SAMD5: variants seen among roughly 807,000 people sequenced by gnomAD.
SAMD5 encodes the protein sterile alpha motif domain containing 5.
A neutral mutation model predicts 11.3 loss-of-function variants in SAMD5; 13 were observed. The observed-to-expected ratio is 1.15, with a 90% CI of 0.75 to 1.83. SAMD5 has a LOEUF of 1.83. SAMD5 is among the 40% of genes most tolerant of loss of function. The pLI, the probability that SAMD5 is intolerant of heterozygous loss-of-function variation, is 0.00. For synonymous variants in SAMD5, 129 were observed against 111.3 expected (o/e 1.16, Z -1.00); for missense variants, 255 against 239.1 (o/e 1.07, Z -0.44).
chr6:147,727,735 C>T (rs956363216), intron 1 of SAMD5, among the ~76,000 whole-genome samples: 1 of 151,928 alleles, frequency 6.6e-6, no homozygotes, highest in Non-Finnish European at 1.5e-5. Flanking sequence ...CAACAATTAT[C>T]CTCTGTTGGT....
chr6:147,528,126 C>G (rs1788373182), intron 1 of SAMD5, among the ~76,000 whole-genome samples: 1 of 152,154 alleles, frequency 6.6e-6, no homozygotes, highest in African/African-American at 2.4e-5. Flanking sequence ...ACCTCCAACA[C>G]TGGGGATTAC....
In SAMD5 at chr6:147,566,927, G is replaced by A. The variant is rs1789051131; in HGVS notation, c.*2471G>A. ...GTAATTTTTTCAGCGTTTTTCCTCT[G>A]TATCTAAACACCAATAATATACTTA... On this transcript the variant is annotated 3_prime_UTR_variant, in exon 2 of 2. Transcript: ENST00000367474. The A allele has an allele frequency of 1.1e-6, 1 of 893,608 alleles. No individual in the cohort carries two copies. Among genetic ancestry groups the A allele is most frequent in the Non-Finnish European group, 1.3e-6 (1 of 746,748 alleles). 55.4% of individuals were successfully genotyped at this position (893,608 alleles called of 1,614,324 possible). A position where few individuals can be genotyped will look rare whatever the true frequency, so the allele number is the denominator to read the frequency against.
At chr6:147,844,859 G>A in the SAMD5 span, among the ~76,000 whole-genome samples, 2 of 152,118 alleles carry the variant, frequency 1.3e-5, no homozygotes, top group Non-Finnish European at 2.9e-5. Flanking sequence ...CAGGGGTGAT[G>A]GGGAAAGGGA....
At chr6:147,663,897 A>C (rs759017626) in intron 1 of SAMD5, among the ~76,000 whole-genome samples, 43 of 150,106 alleles carry the variant, frequency 2.9e-4, no homozygotes, top group Non-Finnish European at 5.8e-4. Context: ...AATTTTTTAC[A>C]TGTAAATTTT....
chr6:147,899,096 G>A, the SAMD5 span, among the ~76,000 whole-genome samples: 1 of 149,918 alleles, frequency 6.7e-6, no homozygotes, highest in African/African-American at 2.5e-5. Flanking sequence ...GCGTGAATCT[G>A]GGAGGTGGTG....
chr6:147,665,465 A>G (rs145421084), intron 1 of SAMD5, among the ~76,000 whole-genome samples: 18 of 152,364 alleles, frequency 1.2e-4, no homozygotes, highest in African/African-American at 3.8e-4. Context: ...CAGAAGAGAA[A>G]AAGAACTGTG....
At chr6:147,674,225 A>G (rs1361838562) in intron 1 of SAMD5, among the ~76,000 whole-genome samples, 2 of 152,168 alleles carry the variant, frequency 1.3e-5, no homozygotes, top group Non-Finnish European at 2.9e-5. Flanking sequence ...CAAGACAATC[A>G]AAGCTTCTCC....
intron 1 of SAMD5, among the ~76,000 whole-genome samples, chr6:147,639,492 G>A (rs1415540954): frequency 5.3e-5 from 8 of 152,154 alleles, no homozygotes; most frequent in Non-Finnish European, 1.2e-4. Context: ...GCAGCTCTGG[G>A]GTCCCCGAGG....
chr6:147,511,661 T>C (rs974030289), intron 1 of SAMD5, among the ~76,000 whole-genome samples: 2 of 151,984 alleles, frequency 1.3e-5, no homozygotes, highest in Non-Finnish European at 2.9e-5. Flanking sequence ...ACAAACTTTA[T>C]TGTAACACAC....
At chr6:147,539,045 G>T (rs868231684) in intron 1 of SAMD5, among the ~76,000 whole-genome samples, 1 of 152,086 alleles carries the variant, frequency 6.6e-6, no homozygotes, top group African/African-American at 2.4e-5. Flanking sequence ...CTTAAGGGTG[G>T]AGCGCTTGGA....
the SAMD5 span, among the ~76,000 whole-genome samples, chr6:147,777,225 A>G: frequency 6.6e-6 from 1 of 151,998 alleles, no homozygotes; most frequent in South Asian, 2.1e-4. Flanking sequence ...AACTCGCATC[A>G]TGCCCCAATA....
the SAMD5 span, among the ~76,000 whole-genome samples, chr6:147,783,406 C>T: frequency 5.9e-5 from 8 of 134,456 alleles, no homozygotes; most frequent in Non-Finnish European, 1.3e-4. Flanking sequence ...GGGGTCGGGG[C>T]GGGGGGACAT....
chr6:147,692,124 T>A (rs929041065), intron 1 of SAMD5, among the ~76,000 whole-genome samples: 4 of 152,166 alleles, frequency 2.6e-5, no homozygotes, highest in African/African-American at 9.7e-5. Flanking sequence ...CTAGTGTAGA[T>A]GTTTAAAAAG....
At chr6:147,514,628 G>A (rs948175790) in intron 1 of SAMD5, among the ~76,000 whole-genome samples, 1 of 152,042 alleles carries the variant, frequency 6.6e-6, no homozygotes, top group Non-Finnish European at 1.5e-5. Flanking sequence ...GTATGGGGCT[G>A]TAAATATATT....
chr6:147,945,194 T>C, the SAMD5 span, among the ~76,000 whole-genome samples: 1 of 152,128 alleles, frequency 6.6e-6, no homozygotes, highest in Admixed American at 6.5e-5. Flanking sequence ...TATTTCATCC[T>C]CGTGATCCCT....
chr6:147,690,395 C>T (rs1791083246), intron 1 of SAMD5, among the ~76,000 whole-genome samples: 1 of 152,144 alleles, frequency 6.6e-6, no homozygotes, highest in Admixed American at 6.5e-5. Flanking sequence ...AGTGGTGGCT[C>T]ATGCCCATAA....
intron 1 of SAMD5, among the ~76,000 whole-genome samples, chr6:147,680,149 A>C (rs1176238317): frequency 6.7e-6 from 1 of 149,126 alleles, no homozygotes; most frequent in Admixed American, 6.6e-5. Flanking sequence ...AGAATTAATG[A>C]CAATGATGAG....
At position 147,567,736 on chromosome 6, in the gene SAMD5, G is replaced by A; in HGVS notation, c.*3280G>A. ...TGACTAGAAAACTCAGACATAAATTGACATTTCCTTATCATTGCCTGAAAC... is the reference window on the plus strand; with the variant it reads ...TGACTAGAAAACTCAGACATAAATTAACATTTCCTTATCATTGCCTGAAAC... On this transcript the variant is annotated 3_prime_UTR_variant, in exon 2 of 2. Transcript: ENST00000367474. The A allele has an allele frequency of 1.0e-6, 1 of 985,224 alleles. No homozygotes were observed. The allele number at this position is 985,224 out of a possible 1,614,324, so 61.0% of individuals were successfully genotyped here. A position where few individuals can be genotyped will look rare whatever the true frequency, so the allele number is the denominator to read the frequency against.
At chr6:147,819,407 T>C in the SAMD5 span, among the ~76,000 whole-genome samples, 1 of 152,036 alleles carries the variant, frequency 6.6e-6, no homozygotes, top group African/African-American at 2.4e-5. Flanking sequence ...GATTTACCTA[T>C]ATAACAAAGC....
Sources: gnomAD v4.1 joint callset for allele counts (sites outside exome capture counted in the v4.1 genomes callset) on GRCh38, gnomAD v4.1.1 for gene constraint, MANE v1.5 for transcripts, NCBI Gene and HGNC (gene_info 2026-07-23, HGNC 2026-07-21) for gene names.